DOCK4: variants seen among roughly 807,000 people sequenced by gnomAD.
The protein encoded by DOCK4 is dedicator of cytokinesis 4, also known as dedicator of cytokinesis protein 4.
In DOCK4, 97 loss-of-function variants were observed where a neutral mutation model predicts 268.1. The observed-to-expected ratio is 0.36, with a 90% CI of 0.31 to 0.43. DOCK4 has a LOEUF of 0.43. Among genes scored for constraint, DOCK4 ranks in the 20% least tolerant of loss-of-function variants. The pLI is 1.00. For missense variants in DOCK4, 2,145 were observed against 2,455.7 expected (o/e 0.87, Z 2.67); for synonymous variants, 954 against 887.2 (o/e 1.08, Z -1.34).
chr7:112,019,646 T>C (rs967857349), intron 1 of DOCK4, among the ~76,000 whole-genome samples: 13 of 152,280 alleles, frequency 8.5e-5, no homozygotes, highest in South Asian at 6.2e-4. Context: ...TCTGGTAAAA[T>C]GGAAACATAA....
intron 1 of DOCK4, among the ~76,000 whole-genome samples, chr7:112,195,920 G>A (rs1820380364): frequency 6.6e-6 from 1 of 152,126 alleles, no homozygotes; most frequent in South Asian, 2.1e-4. Flanking sequence ...CCTCCCACGA[G>A]GGGGCACAAA....
chr7:111,788,815 C>T lies in DOCK4; in HGVS notation c.3316-68G>A, dbSNP rs147364278. 1.2e-4 allele frequency: 160 copies of T among 1,359,534 alleles called. 1 individual carries two copies. In the East Asian group the frequency reaches 3.1e-3, roughly 26 times the overall value. 84.2% of individuals were successfully genotyped at this position (1,359,534 alleles called of 1,614,324 possible). A position where few individuals can be genotyped will look rare whatever the true frequency, so the allele number is the denominator to read the frequency against. ...AGTAGGATTTCTAGGCAAGTTAAAACGTATTTCTTTGTGCCAAGGAAAAAG... is the reference window on the plus strand; with the variant it reads ...AGTAGGATTTCTAGGCAAGTTAAAATGTATTTCTTTGTGCCAAGGAAAAAG... On this transcript the variant is annotated intron_variant, in intron 31 of 52. Coordinates refer to ENST00000428084, the MANE Select transcript of DOCK4 (RefSeq NM_001363540.2).
chr7:111,957,640 T>C (rs1473311757), intron 8 of DOCK4, among the ~76,000 whole-genome samples: 1 of 152,200 alleles, frequency 6.6e-6, no homozygotes, highest in African/African-American at 2.4e-5. Flanking sequence ...TCTTACAACA[T>C]ATTAATAAAT....
intron 12 of DOCK4, among the ~76,000 whole-genome samples, chr7:111,930,278 A>C (rs756431335): frequency 2.0e-5 from 3 of 152,202 alleles, no homozygotes; most frequent in Non-Finnish European, 4.4e-5. Context: ...CCAGTTTCTA[A>C]ACTCAACTAA....
At chr7:112,153,371 A>G (rs1816284378) in intron 1 of DOCK4, among the ~76,000 whole-genome samples, 1 of 152,200 alleles carries the variant, frequency 6.6e-6, no homozygotes. Flanking sequence ...ACTTTGACAT[A>G]TAAGTAGACA....
intron 1 of DOCK4, among the ~76,000 whole-genome samples, chr7:112,143,432 G>A (rs765031240): frequency 7.2e-5 from 11 of 152,090 alleles, no homozygotes; most frequent in Non-Finnish European, 7.4e-5. Context: ...ACAAGCAGAC[G>A]TCATTTAAAT....
intron 1 of DOCK4, among the ~76,000 whole-genome samples, chr7:112,058,953 G>C (rs758586988): frequency 6.6e-6 from 1 of 152,104 alleles, no homozygotes; most frequent in South Asian, 2.1e-4. Context: ...TTTGAGTCAA[G>C]ATTAAACTCA....
intron 42 of DOCK4, among the ~76,000 whole-genome samples, chr7:111,752,695 T>C (rs1796750090): frequency 6.7e-6 from 1 of 149,342 alleles, no homozygotes; most frequent in Non-Finnish European, 1.5e-5. Context: ...CAAGCGATTC[T>C]CCTGCCTCAG....
rs532904415 is a variant in DOCK4, at chr7:111,851,317, G to A, written c.2474-4191C>T. 2.3e-3 allele frequency among the ~76,000 whole-genome samples: 344 copies of A among 151,934 alleles called. 1 individual carries two copies. The highest frequency in any genetic ancestry group is 7.5e-3 in the African/African-American group (312 of 41,442). On this transcript the variant is annotated intron_variant, in intron 23 of 52. Coordinates refer to ENST00000428084, the MANE Select transcript of DOCK4 (RefSeq NM_001363540.2). ...AAATTAGCTGGGCGTGGCGGCACGCGCCTGTAAGTCCCAGCTACTAGGGAG... is the reference window on the plus strand; with the variant it reads ...AAATTAGCTGGGCGTGGCGGCACGCACCTGTAAGTCCCAGCTACTAGGGAG...
rs763382429 is a variant in DOCK4 at position 111,784,090 on chromosome 7, G to A, written c.3428+7C>T. 6 of 1,580,228 alleles carry A rather than the reference G, an allele frequency of 3.8e-6. No individual in the cohort carries two copies. In the African/African-American group the frequency reaches 4.0e-5, roughly 11 times the overall value. On this transcript the variant is annotated splice_region_variant and intron_variant, in intron 33 of 52. Transcript: ENST00000428084. ...ACAAGTAGCACAATTTGCAAACAAT[G>A]TCTTACCTAGGATAGGGACCAAATA...
At chr7:111,934,523 G>GTTTTTTTTTTTTTTTTTTTTT (rs1183672033) in intron 12 of DOCK4, among the ~76,000 whole-genome samples, 1 of 83,872 alleles carries the variant, frequency 1.2e-5, no homozygotes, top group African/African-American at 4.0e-5. Context: ...TTTTGTTTTT[G>GTTTTTTTTTTTTTTTTTTTTT]TTTTTTTTTT....
intron 14 of DOCK4, 28 bp downstream of exon 14, chr7:111,901,649 G>C: frequency 6.2e-7 from 1 of 1,609,798 alleles, no homozygotes; most frequent in Non-Finnish European, 8.5e-7. Context: ...AGACTTGTTT[G>C]ACCTGGAAAT....
intron 27 of DOCK4, among the ~76,000 whole-genome samples, chr7:111,814,190 A>C (rs1297342243): frequency 6.6e-6 from 1 of 152,234 alleles, no homozygotes; most frequent in Non-Finnish European, 1.5e-5. Flanking sequence ...AAGTTATTCC[A>C]TGGCAAAGAT....
chr7:111,773,481 ATATATCT>A (rs1413110077), intron 36 of DOCK4, among the ~76,000 whole-genome samples: 2 of 152,196 alleles, frequency 1.3e-5, no homozygotes, highest in African/African-American at 4.8e-5. Flanking sequence ...TATATCTGTT[ATATATCT>A]GGAGTAGCTT....
At chr7:111,822,308 T>A in intron 27 of DOCK4, 54 bp downstream of exon 27, 9 of 1,414,370 alleles carry the variant, frequency 6.4e-6, no homozygotes, top group Non-Finnish European at 8.7e-6. Context: ...AATTTTGTAC[T>A]CCCTTCTTCC....
chr7:112,178,625 T>C (rs532086771), intron 1 of DOCK4, among the ~76,000 whole-genome samples: 3 of 152,142 alleles, frequency 2.0e-5, no homozygotes, highest in African/African-American at 7.2e-5. Context: ...ATAACCTGAG[T>C]TCCAATCTGA....
intron 8 of DOCK4, among the ~76,000 whole-genome samples, chr7:111,975,676 C>T (rs1798105164): frequency 6.6e-6 from 1 of 152,118 alleles, no homozygotes; most frequent in African/African-American, 2.4e-5. Context: ...AAAACACCAC[C>T]TTCTAAATTC....
intron 36 of DOCK4, among the ~76,000 whole-genome samples, chr7:111,773,746 G>A (rs1253946722): frequency 6.6e-6 from 1 of 152,102 alleles, no homozygotes; most frequent in African/African-American, 2.4e-5. Context: ...GCCAGGTGCG[G>A]TAGCTCACAT....
intron 1 of DOCK4, among the ~76,000 whole-genome samples, chr7:112,171,172 C>T (rs1818049078): frequency 6.6e-6 from 1 of 152,188 alleles, no homozygotes; most frequent in South Asian, 2.1e-4. Context: ...CTTAAGCTTC[C>T]ACATTTTCAT....
Sources: allele counts gnomAD v4.1 joint callset (sites outside exome capture counted in the v4.1 genomes callset), GRCh38; gene constraint gnomAD v4.1.1; transcripts MANE v1.5; gene names NCBI Gene and HGNC (gene_info 2026-07-23, HGNC 2026-07-21).